Variants in ZDHHC23 observed in about 807,000 individuals in gnomAD.
The protein encoded by ZDHHC23 is palmitoyltransferase ZDHHC23.
In ZDHHC23, 41 loss-of-function variants were observed where a neutral mutation model predicts 40.2. The ratio of observed to expected loss-of-function variants is 1.02; its 90% CI spans 0.79 to 1.32. The LOEUF (loss-of-function observed/expected upper bound fraction) is 1.32, where lower values mean the gene tolerates loss of function less well. ZDHHC23 is among the 40% of genes most tolerant of loss of function. The pLI, the probability that ZDHHC23 is intolerant of heterozygous loss-of-function variation, is 0.00. For missense variants in ZDHHC23, 471 were observed against 541.5 expected (o/e 0.87, Z 1.29); for synonymous variants, 204 against 210.2 (o/e 0.97, Z 0.26).
intron 2 of ZDHHC23, among the ~76,000 whole-genome samples, chr3:113,951,320 G>A (rs559950206): frequency 2.0e-5 from 3 of 152,242 alleles, no homozygotes; most frequent in South Asian, 2.1e-4. Context: ...CCTCGGTCCC[G>A]AGGCTCTCCA....
the ZDHHC23 span, chr3:113,978,968 T>G: frequency 6.2e-6 from 10 of 1,614,056 alleles, no homozygotes; most frequent in Non-Finnish European, 7.6e-6. Flanking sequence ...CACGTCAGCA[T>G]GTATTTCCTC....
rs776840967 is a variant in ZDHHC23, at chr3:113,948,959, G to C, written c.157G>C (p.Asp53His). Residue 53 changes from aspartate (D) to histidine (H), a missense_variant, in exon 2 of 5, where the codon GAT becomes CAT. Physicochemically the swap from Asp to His is moderately conservative, Grantham distance 81 (BLOSUM62 -1). Transcript: ENST00000638807. Reference sequence around the variant, plus strand: ...TTGTCAAGATCTGGATGAAGGGTGTGATCGGTAAGAACAGAGCATTTCTTG... The same window carrying C: ...TTGTCAAGATCTGGATGAAGGGTGTCATCGGTAAGAACAGAGCATTTCTTG... ...CDCQDLDEGC[D>H]RWITCKSLQP... is the part of the protein sequence containing the mutation. 87 of 1,614,192 alleles carry C rather than the reference G, an allele frequency of 5.4e-5. 1 individual carries two copies. The East Asian group carries it at 1.9e-3, about 36-fold the overall frequency.
At chr3:113,978,490 C>T in the ZDHHC23 span, 1 of 706,026 alleles carries the variant, frequency 1.4e-6, no homozygotes, top group South Asian at 2.0e-5. Context: ...AAAATATCCT[C>T]TATAATGTAT....
the ZDHHC23 span, among the ~76,000 whole-genome samples, chr3:113,976,554 C>T: frequency 6.6e-6 from 1 of 151,692 alleles, no homozygotes; most frequent in Non-Finnish European, 1.5e-5. Flanking sequence ...ATCTCTCAGC[C>T]TGTATATAGT....
At chr3:113,978,636 C>T in the ZDHHC23 span, 2 of 597,058 alleles carry the variant, frequency 3.3e-6, no homozygotes, top group Non-Finnish European at 2.9e-6. Flanking sequence ...TGATAACTTA[C>T]AGTTTATACA....
In ZDHHC23 at chr3:113,953,997, CTA is replaced by C; in HGVS notation, c.461_462del (p.Tyr154CysfsTer48). 2 of 1,614,160 alleles carry C rather than the reference CTA, an allele frequency of 1.2e-6. No individual in the cohort carries two copies. Among genetic ancestry groups the C allele is most frequent in the Non-Finnish European group, 1.7e-6 (2 of 1,180,038 alleles). ...LGLFSLGYMYYVFLQEVVPKG... is the reference protein window; with the variant it reads ...LGLFSLGYMYXVFLQEVVPKG... ...GACTGTTCTCTCTGGGCTACATGTA[CTA>C]TGTGTTCCTGCAGGAAGTGGTCCCC... On this transcript the variant is annotated frameshift_variant, in exon 3 of 5. Transcript: ENST00000638807. LOFTEE classifies it high-confidence loss of function.
intron 2 of ZDHHC23, among the ~76,000 whole-genome samples, chr3:113,952,922 T>G (rs1237387510): frequency 6.6e-6 from 1 of 152,164 alleles, no homozygotes; most frequent in Non-Finnish European, 1.5e-5. Context: ...AGAGGCCCCG[T>G]CTCTTAATAC....
chr3:113,957,875 G>A (rs753824040), intron 4 of ZDHHC23: 29 of 510,884 alleles, frequency 5.7e-5, no homozygotes, highest in Non-Finnish European at 1.0e-4. Context: ...TGCTGGGGTT[G>A]GGAGTCGTCC....
At chr3:113,976,200 A>G in the ZDHHC23 span, among the ~76,000 whole-genome samples, 1 of 152,100 alleles carries the variant, frequency 6.6e-6, no homozygotes, top group Non-Finnish European at 1.5e-5. Context: ...CGGAGGTTGC[A>G]GTGAGCTGAG....
In ZDHHC23 at chr3:113,959,747, CACTTA is replaced by C; in HGVS notation, c.*1122_*1126del. On this transcript the variant is annotated 3_prime_UTR_variant, in exon 5 of 5. Transcript: ENST00000638807. ...TTTGAGGAGTTGAGTGACATCTTCC[CACTTA>C]ACTTGCACATTAATTCTCAATTACC... 7.4e-6 allele frequency: 8 copies of C among 1,076,564 alleles called. No homozygotes were observed. The highest frequency in any genetic ancestry group is 9.2e-6 in the Non-Finnish European group (8 of 872,282). 66.7% of individuals were successfully genotyped at this position (1,076,564 alleles called of 1,614,324 possible). A position where few individuals can be genotyped will look rare whatever the true frequency, so the allele number is the denominator to read the frequency against.
At position 113,958,899 on chromosome 3, in the gene ZDHHC23, TA is replaced by T; in HGVS notation, c.*271del. The T allele has an allele frequency of 7.9e-7, 1 of 1,272,646 alleles. No homozygotes were observed. The highest frequency in any genetic ancestry group is 1.0e-6 in the Non-Finnish European group (1 of 987,350). 78.8% of individuals were successfully genotyped at this position (1,272,646 alleles called of 1,614,324 possible). ...TGAACTTGAGAAGGATGTGGATTGC[TA>T]ATGCACAAATTGATAGAAGCAATTC... is the stretch of plus-strand genomic sequence containing the variant. On this transcript the variant is annotated 3_prime_UTR_variant, in exon 5 of 5. Transcript: ENST00000638807.
intron 2 of ZDHHC23, among the ~76,000 whole-genome samples, chr3:113,950,763 A>G (rs1215922687): frequency 6.6e-6 from 1 of 152,180 alleles, no homozygotes; most frequent in Non-Finnish European, 1.5e-5. Context: ...GATATGGATG[A>G]GTTTCAAGAT....
the ZDHHC23 span, among the ~76,000 whole-genome samples, chr3:113,970,975 C>T: frequency 3.3e-5 from 5 of 152,142 alleles, no homozygotes; most frequent in Admixed American, 6.5e-5. Context: ...CATTGTTGGA[C>T]ATTTGGGTTG....
the ZDHHC23 span, among the ~76,000 whole-genome samples, chr3:113,975,581 CTGTT>C: frequency 8.5e-5 from 13 of 152,316 alleles, no homozygotes; most frequent in African/African-American, 3.1e-4. Context: ...TGCTTCCACT[CTGTT>C]TAACATGTAA....
At chr3:113,976,285 C>G in the ZDHHC23 span, among the ~76,000 whole-genome samples, 1 of 150,584 alleles carries the variant, frequency 6.6e-6, no homozygotes, top group Non-Finnish European at 1.5e-5. Flanking sequence ...CAAAACAAAA[C>G]ACAAAAACAA....
intron 3 of ZDHHC23, 109 bp from the exon 4 acceptor site, chr3:113,956,230 G>C: frequency 1.6e-6 from 2 of 1,258,306 alleles, no homozygotes; most frequent in Non-Finnish European, 2.2e-6. Flanking sequence ...CTGAACTACA[G>C]AGCAAGACTC....
chr3:113,955,731 G>A (rs1190596975), intron 3 of ZDHHC23, among the ~76,000 whole-genome samples: 1 of 152,098 alleles, frequency 6.6e-6, no homozygotes, highest in Non-Finnish European at 1.5e-5. Flanking sequence ...TGAGGACAAT[G>A]TTAGATCTCC....
At chr3:113,948,461 A>C (rs1175009084) in intron 1 of ZDHHC23, 1 of 259,440 alleles carries the variant, frequency 3.9e-6, no homozygotes, top group Non-Finnish European at 7.5e-6. Flanking sequence ...CTGCACCCGC[A>C]GGTGAGCGCA....
intron 4 of ZDHHC23, chr3:113,957,974 A>C (rs141376268): frequency 5.3e-4 from 197 of 371,938 alleles, no homozygotes; most frequent in African/African-American, 3.5e-3. Context: ...GCAGCTTCCT[A>C]GAAGACATTT....
Sources: gnomAD v4.1 joint callset for allele counts (sites outside exome capture counted in the v4.1 genomes callset) on GRCh38, gnomAD v4.1.1 for gene constraint, MANE v1.5 for transcripts, NCBI Gene and HGNC (gene_info 2026-07-23, HGNC 2026-07-21) for gene names.